Variants in INSL6 observed in about 807,000 individuals in gnomAD.
INSL6 encodes the protein insulin like 6, also known as insulin-like peptide INSL6.
A neutral mutation model predicts 9.4 loss-of-function variants in INSL6; 16 were observed. The observed-to-expected ratio is 1.70, with a 90% CI of 1.15 to 2.59. The LOEUF (loss-of-function observed/expected upper bound fraction) is 2.59. Among genes scored for constraint, INSL6 ranks in the 30% most tolerant of loss-of-function variants. The probability of loss-of-function intolerance (pLI) is 0.00; values close to 1 mark genes in which losing one functional copy is unlikely to be tolerated. For synonymous variants in INSL6, 154 were observed against 96.9 expected (o/e 1.59, Z -3.46); for missense variants, 391 against 257.3 (o/e 1.52, Z -3.56).
chr9:5,008,608 G>C, the INSL6 span, among the ~76,000 whole-genome samples: 1 of 152,216 alleles, frequency 6.6e-6, no homozygotes, highest in African/African-American at 2.4e-5. Flanking sequence ...ATTTTTATAT[G>C]TGTGGGTAAA....
the INSL6 span, among the ~76,000 whole-genome samples, chr9:5,046,717 T>A: frequency 4.5e-4 from 68 of 152,324 alleles, 1 homozygote; most frequent in South Asian, 0.014. Context: ...CCTACTTTTT[T>A]ATACAGCTCC....
the INSL6 span, among the ~76,000 whole-genome samples, chr9:5,062,500 T>TAAAAAAAAAAAAAAAA: frequency 7.9e-4 from 46 of 58,242 alleles, 11 homozygotes; most frequent in African/African-American, 4.4e-3. Context: ...CTTCCATTTG[T>TAAAAAAAAAAAAAAAA]AAAAAAAAAA....
At chr9:5,101,992 TCTC>T in the INSL6 span, among the ~76,000 whole-genome samples, 1 of 152,016 alleles carries the variant, frequency 6.6e-6, no homozygotes, top group Non-Finnish European at 1.5e-5. Flanking sequence ...GAGGGCCTCT[TCTC>T]CTCCAAAGGA....
chr9:4,993,647 C>T, the INSL6 span, among the ~76,000 whole-genome samples: 1 of 152,140 alleles, frequency 6.6e-6, no homozygotes, highest in Non-Finnish European at 1.5e-5. Context: ...GCTTGAAGTC[C>T]TCACTGACAG....
chr9:5,114,804 AAAT>A, the INSL6 span: 2 of 287,418 alleles, frequency 7.0e-6, no homozygotes, highest in African/African-American at 4.5e-5. Context: ...AAATCCCATT[AAAT>A]GTCCTCCTGC....
the INSL6 span, among the ~76,000 whole-genome samples, chr9:5,071,152 G>A: frequency 6.6e-6 from 1 of 152,114 alleles, no homozygotes; most frequent in Non-Finnish European, 1.5e-5. Flanking sequence ...ATTAAAAGTG[G>A]TACTCTCCTA....
intron 1 of INSL6, 138 bp downstream of exon 1, chr9:5,185,176 T>G: frequency 1.9e-6 from 2 of 1,071,280 alleles, no homozygotes; most frequent in South Asian, 2.8e-5. Flanking sequence ...TTCAATACAC[T>G]GTTTTTTACA....
chr9:5,054,558 C>A, the INSL6 span: 1 of 1,538,040 alleles, frequency 6.5e-7, no homozygotes, highest in South Asian at 1.3e-5. This position sits in a 1 kb window ranked among gnomAD's most constrained non-coding sequence, Gnocchi z 4.9. Context: ...CTTTTTTATC[C>A]CTAGCTACAA....
At chr9:5,056,982 C>T in the INSL6 span, among the ~76,000 whole-genome samples, 1 of 152,202 alleles carries the variant, frequency 6.6e-6, no homozygotes, top group South Asian at 2.1e-4. Context: ...GCTAAGTATC[C>T]GTAAAGCTCC....
At chr9:5,174,049 T>C (rs1825244473) in intron 1 of INSL6, among the ~76,000 whole-genome samples, 1 of 152,210 alleles carries the variant, frequency 6.6e-6, no homozygotes, top group Non-Finnish European at 1.5e-5. Flanking sequence ...CTAAAGCCAA[T>C]TTCTGCACTT....
the INSL6 span, among the ~76,000 whole-genome samples, chr9:5,058,673 A>G: frequency 6.6e-6 from 1 of 152,172 alleles, no homozygotes; most frequent in African/African-American, 2.4e-5. Flanking sequence ...TCCTACCAGG[A>G]GTACATTCTC....
chr9:5,147,682 G>T lies in INSL6; in HGVS notation c.377-14090C>A, dbSNP rs528933447. On this transcript the variant is annotated intron_variant, in intron 2 of 3. Transcript: ENST00000649639. ...AGTTTCTTATTCTCTTTCTCTCTCAGGAATGCTGATGAGTTGTAAATTTAG... is the reference window on the plus strand; with the variant it reads ...AGTTTCTTATTCTCTTTCTCTCTCATGAATGCTGATGAGTTGTAAATTTAG... 2.6e-5 allele frequency among the ~76,000 whole-genome samples: 4 copies of T among 152,242 alleles called. No individual in the cohort carries two copies. In the South Asian group the frequency reaches 8.3e-4, roughly 32 times the overall value.
At chr9:5,073,766 A>G in the INSL6 span, 1 of 1,609,658 alleles carries the variant, frequency 6.2e-7, no homozygotes, top group East Asian at 2.2e-5. Context: ...ATTATGGAGT[A>G]TGTGTCTGTG....
chr9:5,168,456 T>C (rs1362383342), intron 1 of INSL6, among the ~76,000 whole-genome samples: 3 of 151,984 alleles, frequency 2.0e-5, no homozygotes, highest in African/African-American at 4.8e-5. Flanking sequence ...TGTAGCTGAA[T>C]AGACCAAGTG....
chr9:5,174,510 C>G (rs943564980), intron 1 of INSL6, among the ~76,000 whole-genome samples: 6 of 152,144 alleles, frequency 3.9e-5, no homozygotes, highest in Admixed American at 3.9e-4. Flanking sequence ...TTCTTCCAAC[C>G]TAAGTAGTTG....
the INSL6 span, chr9:5,098,095 A>G: frequency 6.6e-6 from 1 of 152,184 alleles, no homozygotes; most frequent in Non-Finnish European, 1.5e-5. Context: ...TTGTTTCGAA[A>G]AGAAAAACTA....
chr9:4,998,783 C>T, the INSL6 span, among the ~76,000 whole-genome samples: 1 of 151,738 alleles, frequency 6.6e-6, no homozygotes, highest in African/African-American at 2.4e-5. Context: ...AAAAGGGATA[C>T]ATTTTGCAGA....
At chr9:5,039,504 G>A in the INSL6 span, among the ~76,000 whole-genome samples, 1 of 152,080 alleles carries the variant, frequency 6.6e-6, no homozygotes, top group South Asian at 2.1e-4. Flanking sequence ...TTTGGTATGT[G>A]TGGGAGGTTC....
chr9:5,089,515 G>A, the INSL6 span, among the ~76,000 whole-genome samples: 2 of 134,410 alleles, frequency 1.5e-5, no homozygotes, highest in Non-Finnish European at 1.5e-5. Context: ...TCCAACCTGG[G>A]TGACAGAGCG....
Sources: gnomAD v4.1 joint callset for allele counts (sites outside exome capture counted in the v4.1 genomes callset) on GRCh38, gnomAD v4.1.1 for gene constraint, Gnocchi (gnomAD v3.1) non-coding constraint, MANE v1.5 for transcripts, NCBI Gene and HGNC (gene_info 2026-07-23, HGNC 2026-07-21) for gene names.